STAU2: variants seen among roughly 807,000 people sequenced by gnomAD.
The protein encoded by STAU2 is double-stranded RNA-binding protein Staufen homolog 2.
A neutral mutation model predicts 65.9 loss-of-function variants in STAU2; 20 were observed. That is an observed-to-expected ratio of 0.30 (90% CI 0.21 to 0.44). STAU2 has a LOEUF of 0.44. Ranked by LOEUF, STAU2 falls within the 20% of genes least tolerant of loss-of-function variation. STAU2 has a pLI of 1.00. For synonymous variants in STAU2, 232 were observed against 233.9 expected, an observed-to-expected ratio of 0.99 and a Z score of 0.07; for missense variants, 558 against 683.9, an observed-to-expected ratio of 0.82 and a Z score of 2.05.
At chr8:73,475,666 G>T (rs188730661) in intron 13 of STAU2, among the ~76,000 whole-genome samples, 1 of 152,206 alleles carries the variant, frequency 6.6e-6, no homozygotes, top group East Asian at 1.9e-4. Flanking sequence ...TGTGATCAGG[G>T]TCTCATTTAA....
chr8:73,536,841 C>A (rs1806217230), intron 13 of STAU2, among the ~76,000 whole-genome samples: 1 of 152,136 alleles, frequency 6.6e-6, no homozygotes, highest in Non-Finnish European at 1.5e-5. Context: ...AGGAGCCTTA[C>A]TGAAACAGAA....
At chr8:73,615,653 A>T in intron 8 of STAU2, 22 bp downstream of exon 8, 1 of 1,574,142 alleles carries the variant, frequency 6.4e-7, no homozygotes, top group Admixed American at 1.7e-5. Flanking sequence ...AAAAAATGGG[A>T]AGATCTCTAC....
chr8:73,571,093 A>G (rs1308404879), intron 12 of STAU2, among the ~76,000 whole-genome samples: 1 of 152,242 alleles, frequency 6.6e-6, no homozygotes, highest in African/African-American at 2.4e-5. Context: ...AGGGGTTGCA[A>G]TCCTAGTCTC....
intron 13 of STAU2, among the ~76,000 whole-genome samples, chr8:73,423,290 C>T (rs149638424): frequency 7.9e-5 from 12 of 152,226 alleles, no homozygotes; most frequent in African/African-American, 1.9e-4. Flanking sequence ...CAGAGCCTCC[C>T]GAGGTGTTGA....
chr8:73,673,245 G>A lies in STAU2; in HGVS notation c.275-3C>T. 2 of 1,541,320 alleles carry A rather than the reference G, an allele frequency of 1.3e-6. No homozygotes were observed. The highest frequency in any genetic ancestry group is 2.2e-5 in the Admixed American group (1 of 45,934). ...TTCCACAGTTGGAGTTATACTGCCT[G>A]TTTAAAAAAAAAACATTAAAGGCAC... On this transcript the variant is annotated splice_polypyrimidine_tract_variant and splice_region_variant and intron_variant, in intron 5 of 14. Coordinates refer to ENST00000524300, the MANE Select transcript of STAU2 (RefSeq NM_001164380.2).
intron 13 of STAU2, among the ~76,000 whole-genome samples, chr8:73,537,661 A>G (rs1806271570): frequency 6.6e-6 from 1 of 152,220 alleles, no homozygotes; most frequent in African/African-American, 2.4e-5. Flanking sequence ...CTCAAATACA[A>G]GGAAACAGTC....
chr8:73,696,039 G>A (rs377710265), intron 4 of STAU2, among the ~76,000 whole-genome samples: 1 of 152,146 alleles, frequency 6.6e-6, no homozygotes, highest in South Asian at 2.1e-4. Flanking sequence ...GACCACAGAG[G>A]TGCCTGCATC....
chr8:73,708,940 C>T, intron 4 of STAU2, 92 bp downstream of exon 4: 1 of 1,277,706 alleles, frequency 7.8e-7, no homozygotes, highest in Non-Finnish European at 1.0e-6. Context: ...CTGCTGAACC[C>T]CCACTCCCCA....
chr8:73,701,732 A>T (rs938563750), intron 4 of STAU2, among the ~76,000 whole-genome samples: 3 of 152,192 alleles, frequency 2.0e-5, no homozygotes, highest in African/African-American at 7.2e-5. Context: ...GCTGCTGGGT[A>T]TATTCCCAAA....
At position 73,432,597 on chromosome 8, in the gene STAU2, A is replaced by G. The variant is rs372088662; in HGVS notation, c.1531-9895T>C. On this transcript the variant is annotated intron_variant, in intron 13 of 14. Coordinates refer to ENST00000524300, the MANE Select transcript of STAU2 (RefSeq NM_001164380.2). ...TGTATATTTCTAAACTTAAAACTTTACGATAGGCTCTTCAGTCTATTACAT... is the reference window on the plus strand; with the variant it reads ...TGTATATTTCTAAACTTAAAACTTTGCGATAGGCTCTTCAGTCTATTACAT... Among the ~76,000 whole-genome samples, 20 of 152,350 alleles carry G rather than the reference A, an allele frequency of 1.3e-4. No homozygotes were observed. In the East Asian group the frequency reaches 2.3e-3, roughly 18 times the overall value.
At chr8:73,527,249 T>C (rs545961378) in intron 13 of STAU2, 2 of 157,364 alleles carry the variant, frequency 1.3e-5, no homozygotes, top group South Asian at 1.9e-4. Context: ...CAAAATCACC[T>C]GATGATGCAT....
At chr8:73,521,601 C>T (rs1393416422) in intron 13 of STAU2, among the ~76,000 whole-genome samples, 2 of 152,146 alleles carry the variant, frequency 1.3e-5, no homozygotes, top group Non-Finnish European at 2.9e-5. Context: ...TGGTGATACA[C>T]ATTCAGAAGG....
At chr8:73,518,983 A>G (rs1032060945) in intron 13 of STAU2, among the ~76,000 whole-genome samples, 1 of 152,242 alleles carries the variant, frequency 6.6e-6, no homozygotes, top group Non-Finnish European at 1.5e-5. Context: ...CAAACATTAA[A>G]GTTGATGTTC....
chr8:73,624,713 A>C (rs993421145), intron 6 of STAU2, among the ~76,000 whole-genome samples: 18 of 152,198 alleles, frequency 1.2e-4, no homozygotes, highest in African/African-American at 4.1e-4. Flanking sequence ...TGGATAGATG[A>C]ACACTATAAA....
At chr8:73,436,985 C>A (rs1817752338) in intron 13 of STAU2, among the ~76,000 whole-genome samples, 1 of 152,184 alleles carries the variant, frequency 6.6e-6, no homozygotes, top group Non-Finnish European at 1.5e-5. Context: ...ACACACCTAA[C>A]AATATTAACT....
intron 8 of STAU2, 62 bp from the exon 9 acceptor site, chr8:73,614,018 T>C: frequency 1.5e-6 from 2 of 1,337,174 alleles, no homozygotes; most frequent in Non-Finnish European, 2.0e-6. Flanking sequence ...TCTTAAAGTA[T>C]GACTTAATAT....
chr8:73,612,216 A>G (rs891562705), intron 9 of STAU2, among the ~76,000 whole-genome samples: 1 of 152,218 alleles, frequency 6.6e-6, no homozygotes, highest in South Asian at 2.1e-4. Context: ...CCAATAGTTA[A>G]TATGTGTTAT....
intron 12 of STAU2, among the ~76,000 whole-genome samples, chr8:73,578,191 T>G (rs1393281503): frequency 6.6e-6 from 1 of 152,220 alleles, no homozygotes; most frequent in Non-Finnish European, 1.5e-5. Flanking sequence ...AAGCGAGTTT[T>G]TAAAATCACA....
chr8:73,622,026 G>A (rs186207002), intron 6 of STAU2, among the ~76,000 whole-genome samples: 1,951 of 147,578 alleles, frequency 0.013, 42 homozygotes, highest in African/African-American at 0.044. Flanking sequence ...GCTAGATCTC[G>A]GCTCCCCGCA....
Sources: gnomAD v4.1 joint callset for allele counts (sites outside exome capture counted in the v4.1 genomes callset) on GRCh38, gnomAD v4.1.1 for gene constraint, MANE v1.5 for transcripts, NCBI Gene and HGNC (gene_info 2026-07-23, HGNC 2026-07-21) for gene names.